The following XKRX variants were observed in gnomAD, a reference collection of about 807,000 sequenced individuals.
The protein encoded by XKRX is XK-related protein 2.
In XKRX, 11 loss-of-function variants were observed where a neutral mutation model predicts 22.4. The observed-to-expected ratio is 0.49, with a 90% CI of 0.31 to 0.81. The LOEUF is 0.81. XKRX is among the 40% of genes least tolerant of loss of function. The pLI, the probability that XKRX is intolerant of heterozygous loss-of-function variation, is 0.05. For missense variants in XKRX, 320 were observed against 336.5 expected (o/e 0.95, Z 0.38); for synonymous variants, 114 against 132.2 (o/e 0.86, Z 0.94).
chrX:100,942,174 C>A, the XKRX span, among the ~76,000 whole-genome samples: 1 of 111,682 alleles, frequency 9.0e-6, no homozygotes, highest in Non-Finnish European at 1.9e-5. Context: ...ATTATTATCT[C>A]CATTTTACAG....
At chrX:100,954,173 C>T in the XKRX span, among the ~76,000 whole-genome samples, 10 of 111,457 alleles carry the variant, frequency 9.0e-5, no homozygotes, top group South Asian at 3.4e-3. Context: ...AATCCCAGCA[C>T]TTTGGGAGGC....
At chrX:100,889,500 T>C in the XKRX span, among the ~76,000 whole-genome samples, 2 of 109,907 alleles carry the variant, frequency 1.8e-5, no homozygotes, top group African/African-American at 6.6e-5. Flanking sequence ...GCCTTGCGAG[T>C]AGCCATGATT....
At chrX:100,947,572 A>T in the XKRX span, among the ~76,000 whole-genome samples, 1 of 112,227 alleles carries the variant, frequency 8.9e-6, no homozygotes, top group Non-Finnish European at 1.9e-5. Context: ...CAGGGAACCA[A>T]ATTTCCAATC....
chrX:100,957,565 G>T, the XKRX span: 4 of 946,911 alleles, frequency 4.2e-6, no homozygotes, highest in African/African-American at 7.6e-5. Context: ...GTTACTGTGT[G>T]AACCGCAAAC....
At chrX:100,919,206 T>G (rs191349872) in intron 2 of XKRX, among the ~76,000 whole-genome samples, 167 of 112,177 alleles carry the variant, frequency 1.5e-3, no homozygotes, top group African/African-American at 5.0e-3. Context: ...GTTATTATTT[T>G]GCTTTGTTTT....
chrX:100,943,602 C>T, the XKRX span, among the ~76,000 whole-genome samples: 164 of 111,749 alleles, frequency 1.5e-3, no homozygotes, highest in Non-Finnish European at 2.1e-3. Flanking sequence ...CAGGGTTTCA[C>T]CATGTTGGCC....
the XKRX span, among the ~76,000 whole-genome samples, chrX:100,892,336 G>A: frequency 9.0e-6 from 1 of 111,424 alleles, no homozygotes; most frequent in Non-Finnish European, 1.9e-5. Context: ...GTAACACAAA[G>A]GTTTAATGCT....
intron 2 of XKRX, among the ~76,000 whole-genome samples, chrX:100,920,030 C>T (rs1192704360): frequency 1.8e-5 from 2 of 111,066 alleles, no homozygotes; most frequent in Admixed American, 2.0e-4. Flanking sequence ...CCTGCTGCCC[C>T]TCTTTCTTCC....
the XKRX span, chrX:100,887,897 A>T: frequency 8.6e-7 from 1 of 1,161,496 alleles, no homozygotes; most frequent in Non-Finnish European, 1.2e-6. Context: ...ATCCACCACC[A>T]CCATGGCTGC....
chrX:100,931,168 A>C (rs773304943), upstream of XKRX, among the ~76,000 whole-genome samples: 250 of 105,293 alleles, frequency 2.4e-3, 1 homozygote, highest in Non-Finnish European at 3.8e-3. Flanking sequence ...AAAAAAAAAA[A>C]CATGGGAGAG....
At chrX:100,944,306 G>A in the XKRX span, among the ~76,000 whole-genome samples, 4 of 112,253 alleles carry the variant, frequency 3.6e-5, no homozygotes, top group South Asian at 1.1e-3. Context: ...ACTATGAAAT[G>A]AGGGTGGGAA....
chrX:100,916,820 C>T (rs2085438176), intron 2 of XKRX, among the ~76,000 whole-genome samples: 1 of 112,271 alleles, frequency 8.9e-6, no homozygotes, highest in African/African-American at 3.2e-5. Context: ...TAGAGAGGTG[C>T]ATAAAATACC....
chrX:100,950,037 C>G, the XKRX span, among the ~76,000 whole-genome samples: 1 of 111,655 alleles, frequency 9.0e-6, no homozygotes. Flanking sequence ...AATCAGTGAA[C>G]TTGAATATAG....
the XKRX span, among the ~76,000 whole-genome samples, chrX:100,893,199 T>C: frequency 8.9e-6 from 1 of 111,847 alleles, no homozygotes; most frequent in Admixed American, 9.5e-5. Context: ...AAGATGTTGG[T>C]CAACATGTAC....
upstream of XKRX, among the ~76,000 whole-genome samples, chrX:100,933,448 C>G (rs1458322337): frequency 2.9e-5 from 3 of 102,180 alleles, no homozygotes; most frequent in Non-Finnish European, 5.9e-5. Flanking sequence ...TGCCATTGCA[C>G]TCCAACCTAG....
downstream of XKRX, among the ~76,000 whole-genome samples, chrX:100,912,640 C>T (rs780145772): frequency 1.3e-4 from 14 of 111,551 alleles, no homozygotes; most frequent in South Asian, 2.6e-3. Flanking sequence ...GTGGTGGCCA[C>T]GACTAGGAGT....
chrX:100,896,695 C>T, the XKRX span, among the ~76,000 whole-genome samples: 16 of 111,331 alleles, frequency 1.4e-4, no homozygotes, highest in Non-Finnish European at 1.9e-4. Flanking sequence ...CCAGGCACAG[C>T]GGCTCACGCC....
chrX:100,912,311 G>A (rs931278749), downstream of XKRX, among the ~76,000 whole-genome samples: 6 of 111,237 alleles, frequency 5.4e-5, no homozygotes, highest in Admixed American at 1.9e-4. Flanking sequence ...AAATGGAATG[G>A]GGGAGTTGGG....
chrX:100,946,619 C>G, the XKRX span, among the ~76,000 whole-genome samples: 2 of 111,604 alleles, frequency 1.8e-5, no homozygotes. Flanking sequence ...AGGGAAGAAA[C>G]ACATAGAAGA....
Sources: allele counts gnomAD v4.1 joint callset (sites outside exome capture counted in the v4.1 genomes callset), GRCh38; gene constraint gnomAD v4.1.1; transcripts MANE v1.5; gene names NCBI Gene and HGNC (gene_info 2026-07-23, HGNC 2026-07-21).